DPF3: variants seen among roughly 807,000 people sequenced by gnomAD.
The protein encoded by DPF3 is zinc finger protein DPF3.
In DPF3, 18 loss-of-function variants were observed where a neutral mutation model predicts 56.8. The ratio of observed to expected loss-of-function variants is 0.32; its 90% CI spans 0.22 to 0.47. The LOEUF (loss-of-function observed/expected upper bound fraction) is 0.47, where lower values mean the gene tolerates loss of function less well. DPF3 is among the 20% of genes least tolerant of loss of function. DPF3 has a pLI of 1.00. For missense variants in DPF3, 403 were observed against 488.8 expected (o/e 0.82, Z 1.65); for synonymous variants, 188 against 180.2 (o/e 1.04, Z -0.35).
chr14:72,818,600 C>T (rs1219294862), intron 1 of DPF3, among the ~76,000 whole-genome samples: 1 of 152,206 alleles, frequency 6.6e-6, no homozygotes, highest in Non-Finnish European at 1.5e-5. Flanking sequence ...CTGCTTGAGC[C>T]CACGAGTTCG....
intron 1 of DPF3, among the ~76,000 whole-genome samples, chr14:72,842,772 C>A (rs537239409): frequency 2.0e-5 from 3 of 152,216 alleles, no homozygotes; most frequent in South Asian, 4.2e-4. Context: ...ACTGGTAATC[C>A]CAGCACTTTG....
At chr14:72,715,062 T>C (rs910981791) in intron 5 of DPF3, among the ~76,000 whole-genome samples, 1 of 152,200 alleles carries the variant, frequency 6.6e-6, no homozygotes, top group Non-Finnish European at 1.5e-5. Context: ...CCAGGCCCAG[T>C]GCACGAGTGT....
chr14:72,821,961 C>T (rs1479779057), intron 1 of DPF3, among the ~76,000 whole-genome samples: 4 of 152,116 alleles, frequency 2.6e-5, no homozygotes, highest in Non-Finnish European at 5.9e-5. Context: ...TAAGCTATGA[C>T]ACGCCACTGC....
intron 5 of DPF3, among the ~76,000 whole-genome samples, chr14:72,716,921 GC>G (rs1567210104): frequency 6.6e-6 from 1 of 151,914 alleles, no homozygotes; most frequent in South Asian, 2.1e-4. Context: ...CCTCCACATT[GC>G]CCCCCTAGTC....
chr14:72,873,721 C>T (rs986880153), intron 1 of DPF3, among the ~76,000 whole-genome samples: 7 of 152,174 alleles, frequency 4.6e-5, no homozygotes, highest in African/African-American at 1.7e-4. Context: ...GGCACATATA[C>T]ACCATGGAAT....
At chr14:72,649,660 T>TTGGGG (rs1555491965) in intron 8 of DPF3, among the ~76,000 whole-genome samples, 3 of 61,152 alleles carry the variant, frequency 4.9e-5, no homozygotes, top group African/African-American at 1.0e-4. Flanking sequence ...CATCCCTGGG[T>TTGGGG]GGGGGGGGGG....
intron 7 of DPF3, among the ~76,000 whole-genome samples, chr14:72,684,039 ATTT>A (rs1177985804): frequency 6.6e-6 from 1 of 152,020 alleles, no homozygotes; most frequent in African/African-American, 2.4e-5. Context: ...TCTGCTTTAT[ATTT>A]TACATATATA....
intron 1 of DPF3, among the ~76,000 whole-genome samples, chr14:72,831,442 C>G (rs550706457): frequency 6.6e-6 from 1 of 152,332 alleles, no homozygotes; most frequent in Admixed American, 6.5e-5. Context: ...TGGGGTTCAT[C>G]TCACAAGTAC....
intron 1 of DPF3, among the ~76,000 whole-genome samples, chr14:72,835,017 AG>A (rs1884231464): frequency 6.6e-6 from 1 of 152,148 alleles, no homozygotes; most frequent in Non-Finnish European, 1.5e-5. Context: ...GGAGACAAAA[AG>A]CAGATTAGTG....
chr14:72,765,266 T>C (rs894489240), intron 2 of DPF3, among the ~76,000 whole-genome samples: 2 of 152,102 alleles, frequency 1.3e-5, no homozygotes, highest in Admixed American at 6.6e-5. Flanking sequence ...TTGGCAAGGA[T>C]ACAAAGGAAG....
At chr14:72,647,440 G>A (rs1308248427) in intron 8 of DPF3, among the ~76,000 whole-genome samples, 1 of 152,156 alleles carries the variant, frequency 6.6e-6, no homozygotes, top group Non-Finnish European at 1.5e-5. Context: ...TGGGTCTCCT[G>A]CATAAACAGG....
At chr14:72,832,149 C>T (rs1472399816) in intron 1 of DPF3, among the ~76,000 whole-genome samples, 2 of 151,980 alleles carry the variant, frequency 1.3e-5, no homozygotes, top group Non-Finnish European at 2.9e-5. Flanking sequence ...CCCAGGAGTT[C>T]GAGGCTGCAA....
intron 1 of DPF3, among the ~76,000 whole-genome samples, chr14:72,832,481 A>C (rs186284955): frequency 6.6e-6 from 1 of 152,254 alleles, no homozygotes; most frequent in East Asian, 1.9e-4. Context: ...CAATCTTAGA[A>C]TCCAAATACG....
At chr14:72,870,925 C>T (rs1885875038) in intron 1 of DPF3, among the ~76,000 whole-genome samples, 1 of 152,126 alleles carries the variant, frequency 6.6e-6, no homozygotes, top group African/African-American at 2.4e-5. Flanking sequence ...TATTAGTCCA[C>T]TTTCATGCTG....
In DPF3 at chr14:72,894,048, C is replaced by T. The variant is rs1202568291; in HGVS notation, c.32+9G>A. ...ACGCGGAATATGTACATTTTTTAGT[C>T]TTACTTACGCTTTCAGGGGGTTGTG... On this transcript the variant is annotated intron_variant, in intron 1 of 10. Coordinates refer to ENST00000556509, the MANE Select transcript of DPF3 (RefSeq NM_001280542.3). The T allele has an allele frequency of 1.9e-6, 3 of 1,609,468 alleles. No individual in the cohort carries two copies. In the South Asian group the frequency reaches 3.3e-5, roughly 18 times the overall value.
At chr14:72,864,347 T>C (rs1393363768) in intron 1 of DPF3, among the ~76,000 whole-genome samples, 3 of 152,176 alleles carry the variant, frequency 2.0e-5, no homozygotes, top group Non-Finnish European at 4.4e-5. Flanking sequence ...GTGTCCCTAC[T>C]TTGCTTTATT....
At chr14:72,872,424 G>C (rs1446252484) in intron 1 of DPF3, among the ~76,000 whole-genome samples, 1 of 152,154 alleles carries the variant, frequency 6.6e-6, no homozygotes, top group Non-Finnish European at 1.5e-5. Context: ...TAGTCAGGCT[G>C]CAAATTTTCC....
intron 3 of DPF3, among the ~76,000 whole-genome samples, chr14:72,732,826 C>T (rs891553997): frequency 6.6e-6 from 1 of 151,858 alleles, no homozygotes; most frequent in Non-Finnish European, 1.5e-5. Context: ...TCTTTCCTTC[C>T]CTCCTTTCTT....
At chr14:72,792,052 G>A (rs1282729806) in intron 1 of DPF3, among the ~76,000 whole-genome samples, 1 of 152,232 alleles carries the variant, frequency 6.6e-6, no homozygotes, top group African/African-American at 2.4e-5. Flanking sequence ...TGGCCATAGT[G>A]ACTGCTGAGC....
Sources: gnomAD v4.1 joint callset for allele counts (sites outside exome capture counted in the v4.1 genomes callset) on GRCh38, gnomAD v4.1.1 for gene constraint, MANE v1.5 for transcripts, NCBI Gene and HGNC (gene_info 2026-07-23, HGNC 2026-07-21) for gene names.